SGCZ: variants seen among roughly 807,000 people sequenced by gnomAD.
The protein encoded by SGCZ is sarcoglycan zeta.
Under a neutral mutation model 41.3 loss-of-function variants are expected in SGCZ, and 40 were observed. The ratio of observed to expected loss-of-function variants is 0.97; its 90% CI spans 0.75 to 1.26. The LOEUF (loss-of-function observed/expected upper bound fraction) is 1.26. SGCZ is among the 50% of genes most tolerant of loss of function. The pLI is 0.00. For missense variants in SGCZ, 552 were observed against 369.8 expected (o/e 1.49, Z -4.04); for synonymous variants, 206 against 137.5 (o/e 1.50, Z -3.49).
At position 15,016,097 on chromosome 8, in the gene SGCZ, A is replaced by G. The variant is rs190977156; in HGVS notation, c.39+221488T>C. ...TGATTAGCCATAACGAGTAAAATAT[A>G]TAGGTCTTGCTCCCAACATTAATCC... On this transcript the variant is annotated intron_variant, in intron 1 of 7. Coordinates refer to ENST00000382080, the MANE Select transcript of SGCZ (RefSeq NM_139167.4). Among the ~76,000 whole-genome samples the G allele has an allele frequency of 2.1e-3, 326 of 152,298 alleles. 4 individuals are homozygous for G. The highest frequency in any genetic ancestry group is 3.7e-3 in the Admixed American group (57 of 15,304).
intron 3 of SGCZ, chr8:14,319,348 C>T (rs970998114): frequency 2.6e-5 from 4 of 151,934 alleles, no homozygotes; most frequent in African/African-American, 9.7e-5. Context: ...GTTCACAAAT[C>T]TGAGGCAAGG....
chr8:14,154,506 A>C (rs1044422407), intron 5 of SGCZ, among the ~76,000 whole-genome samples: 12 of 152,184 alleles, frequency 7.9e-5, no homozygotes, highest in African/African-American at 2.4e-4. Context: ...TGTATTCTGA[A>C]ACATGTTACC....
At chr8:14,546,284 G>C (rs192922044) in intron 2 of SGCZ, among the ~76,000 whole-genome samples, 1 of 152,130 alleles carries the variant, frequency 6.6e-6, no homozygotes, top group Non-Finnish European at 1.5e-5. Flanking sequence ...CATGATGTGC[G>C]TGCTGAGGAA....
chr8:15,058,804 C>T (rs1804809507), intron 1 of SGCZ, among the ~76,000 whole-genome samples: 1 of 152,108 alleles, frequency 6.6e-6, no homozygotes, highest in African/African-American at 2.4e-5. Flanking sequence ...GGATATGTTA[C>T]ATTTTATTTT....
intron 2 of SGCZ, among the ~76,000 whole-genome samples, chr8:14,341,446 T>C (rs1802702094): frequency 6.6e-6 from 1 of 152,024 alleles, no homozygotes; most frequent in African/African-American, 2.4e-5. Flanking sequence ...TACCTTTTGT[T>C]TGTTTTTTTA....
intron 3 of SGCZ, among the ~76,000 whole-genome samples, chr8:14,267,244 T>C (rs983479177): frequency 5.3e-5 from 8 of 152,060 alleles, no homozygotes; most frequent in Non-Finnish European, 1.0e-4. Context: ...GTGACAGTTT[T>C]AATACTGAAC....
chr8:14,519,771 G>A (rs1294163118), intron 2 of SGCZ, among the ~76,000 whole-genome samples: 1 of 152,014 alleles, frequency 6.6e-6, no homozygotes, highest in Admixed American at 6.6e-5. Flanking sequence ...TTTGTTGAAA[G>A]TAATCATGAG....
chr8:14,325,609 T>C (rs1266075667), intron 2 of SGCZ, among the ~76,000 whole-genome samples: 3 of 147,152 alleles, frequency 2.0e-5, no homozygotes, highest in African/African-American at 7.4e-5. Context: ...GTTGATTATA[T>C]ATAATATATA....
At chr8:14,415,021 C>T (rs1301451920) in intron 2 of SGCZ, among the ~76,000 whole-genome samples, 1 of 151,718 alleles carries the variant, frequency 6.6e-6, no homozygotes, top group Non-Finnish European at 1.5e-5. Flanking sequence ...ATGAGGTGCT[C>T]GAAGATTTTA....
intron 7 of SGCZ, among the ~76,000 whole-genome samples, chr8:14,097,272 C>G (rs1035986143): frequency 2.6e-5 from 4 of 152,132 alleles, no homozygotes; most frequent in African/African-American, 7.2e-5. Flanking sequence ...TTATGTGTGT[C>G]CCAGAGATTC....
chr8:15,166,737 C>T (rs1403792912), intron 1 of SGCZ, among the ~76,000 whole-genome samples: 2 of 152,112 alleles, frequency 1.3e-5, no homozygotes, highest in African/African-American at 2.4e-5. Flanking sequence ...CTGCAACTAC[C>T]CTGCACATTT....
intron 1 of SGCZ, among the ~76,000 whole-genome samples, chr8:14,603,537 A>G (rs754379576): frequency 6.6e-6 from 1 of 152,160 alleles, no homozygotes; most frequent in Non-Finnish European, 1.5e-5. Flanking sequence ...AACTAACAGC[A>G]TTTTATAAAT....
intron 1 of SGCZ, among the ~76,000 whole-genome samples, chr8:14,934,353 G>A (rs1395686328): frequency 2.0e-5 from 3 of 151,762 alleles, no homozygotes; most frequent in Admixed American, 1.3e-4. Flanking sequence ...GTATTCATGA[G>A]GTTCCAGGAT....
chr8:14,476,369 C>G (rs149870056), intron 2 of SGCZ, among the ~76,000 whole-genome samples: 1 of 152,038 alleles, frequency 6.6e-6, no homozygotes. Flanking sequence ...TGAATATGAG[C>G]TGATTCCCAT....
At chr8:14,324,797 C>A (rs902594890) in intron 2 of SGCZ, among the ~76,000 whole-genome samples, 1 of 152,040 alleles carries the variant, frequency 6.6e-6, no homozygotes, top group African/African-American at 2.4e-5. Flanking sequence ...AATTACTAAA[C>A]AGAGTGCTAC....
intron 1 of SGCZ, among the ~76,000 whole-genome samples, chr8:15,124,772 C>T (rs1020419390): frequency 6.6e-6 from 1 of 151,974 alleles, no homozygotes; most frequent in Non-Finnish European, 1.5e-5. Flanking sequence ...GATCAAACAA[C>T]GTGATTGCAT....
At chr8:15,130,900 C>T (rs1399122534) in intron 1 of SGCZ, among the ~76,000 whole-genome samples, 1 of 152,128 alleles carries the variant, frequency 6.6e-6, no homozygotes, top group African/African-American at 2.4e-5. Flanking sequence ...CTTAACACAT[C>T]CCCATCCATT....
intron 2 of SGCZ, among the ~76,000 whole-genome samples, chr8:14,400,946 G>C (rs1157113812): frequency 6.6e-6 from 1 of 152,102 alleles, no homozygotes; most frequent in East Asian, 1.9e-4. Flanking sequence ...TGTTAAATAT[G>C]TTTCAAACAA....
intron 2 of SGCZ, among the ~76,000 whole-genome samples, chr8:14,547,719 G>T (rs1362799983): frequency 2.0e-5 from 3 of 152,108 alleles, no homozygotes; most frequent in African/African-American, 7.2e-5. Flanking sequence ...ACCGAAGCCA[G>T]AGAAGTTCAG....
Sources: gnomAD v4.1 joint callset for allele counts (sites outside exome capture counted in the v4.1 genomes callset) on GRCh38, gnomAD v4.1.1 for gene constraint, MANE v1.5 for transcripts, NCBI Gene and HGNC (gene_info 2026-07-23, HGNC 2026-07-21) for gene names.